The following TRPM3 variants were observed in gnomAD, a reference collection of about 807,000 sequenced individuals.
The protein encoded by TRPM3 is transient receptor potential cation channel subfamily M member 3, also known as long transient receptor potential channel 3.
Under a neutral mutation model 181.2 loss-of-function variants are expected in TRPM3, and 77 were observed. The observed-to-expected ratio is 0.42, with a 90% CI of 0.35 to 0.51. The LOEUF (loss-of-function observed/expected upper bound fraction) is 0.51. Ranked by LOEUF, TRPM3 falls within the 20% of genes least tolerant of loss-of-function variation. The pLI is 0.01. For missense variants in TRPM3, 1,759 were observed against 2,196.7 expected (o/e 0.80, Z 3.98); for synonymous variants, 745 against 796.4 (o/e 0.94, Z 1.09).
intron 1 of TRPM3, among the ~76,000 whole-genome samples, chr9:71,182,240 G>T (rs1379336445): frequency 6.6e-6 from 1 of 152,102 alleles, no homozygotes; most frequent in African/African-American, 2.4e-5. Flanking sequence ...ATAGGAAAAA[G>T]AATTATTGGG....
At chr9:70,919,720 A>T (rs547093748) in intron 1 of TRPM3, among the ~76,000 whole-genome samples, 1 of 150,244 alleles carries the variant, frequency 6.7e-6, no homozygotes. Flanking sequence ...GGAGGTGGAG[A>T]TTGCAGTGAG....
intron 1 of TRPM3, among the ~76,000 whole-genome samples, chr9:71,295,672 A>G (rs1459881510): frequency 2.0e-5 from 3 of 151,762 alleles, no homozygotes; most frequent in East Asian, 1.9e-4. Flanking sequence ...TGTACAAATA[A>G]ATAAGTAAAT....
intron 7 of TRPM3, among the ~76,000 whole-genome samples, chr9:70,782,898 C>T (rs1036590251): frequency 4.6e-5 from 7 of 151,922 alleles, no homozygotes; most frequent in Non-Finnish European, 1.0e-4. Flanking sequence ...ACTAGGTAGG[C>T]GTACTGTTTT....
At chr9:71,352,074 A>G (rs917023602) in intron 1 of TRPM3, among the ~76,000 whole-genome samples, 21 of 151,776 alleles carry the variant, frequency 1.4e-4, no homozygotes, top group Admixed American at 4.6e-4. Context: ...GCGGGGTTTC[A>G]CCGTGTTAGC....
intron 1 of TRPM3, among the ~76,000 whole-genome samples, chr9:71,057,882 CAT>C (rs2060851394): frequency 6.6e-6 from 1 of 152,044 alleles, no homozygotes; most frequent in South Asian, 2.1e-4. Flanking sequence ...TAGGCAGTTA[CAT>C]GTCTGATGCA....
intron 1 of TRPM3, among the ~76,000 whole-genome samples, chr9:70,897,498 A>G (rs1443888546): frequency 2.0e-5 from 3 of 151,988 alleles, no homozygotes; most frequent in African/African-American, 4.8e-5. Flanking sequence ...GTGGAATTAG[A>G]TCTCAATTTT....
chr9:70,988,517 T>C (rs1030338322), intron 1 of TRPM3, among the ~76,000 whole-genome samples: 1 of 152,214 alleles, frequency 6.6e-6, no homozygotes, highest in South Asian at 2.1e-4. Context: ...GTCCACTGTA[T>C]ACTTTCATAT....
At chr9:70,654,838 C>A (rs116317974) in intron 9 of TRPM3, among the ~76,000 whole-genome samples, 180 of 151,692 alleles carry the variant, frequency 1.2e-3, no homozygotes, top group African/African-American at 4.2e-3. Context: ...ACCTGCACCA[C>A]GCCTGGCTAA....
At chr9:71,341,905 CT>C (rs1410500386) in intron 1 of TRPM3, among the ~76,000 whole-genome samples, 1 of 151,622 alleles carries the variant, frequency 6.6e-6, no homozygotes, top group African/African-American at 2.4e-5. Flanking sequence ...GGAGAAAATA[CT>C]TGCAATACAT....
intron 17 of TRPM3, among the ~76,000 whole-genome samples, chr9:70,618,594 C>T (rs2063146659): frequency 2.0e-5 from 3 of 152,186 alleles, no homozygotes; most frequent in South Asian, 4.1e-4. Context: ...AGTACCTGTG[C>T]GTGGCCATCC....
Position 71,014,167 on chromosome 9 carries a change from T to C in TRPM3, c.177+107011A>G, listed in dbSNP as rs1385283702. On this transcript the variant is annotated intron_variant, in intron 1 of 25. Coordinates refer to ENST00000677713, the MANE Select transcript of TRPM3 (RefSeq NM_001366145.2). ...AAATCCTGAAATTTTGGTTTATAATTATTATTTCAAGAATAGTTTAATAGT... is the reference window on the plus strand; with the variant it reads ...AAATCCTGAAATTTTGGTTTATAATCATTATTTCAAGAATAGTTTAATAGT... 7.9e-5 allele frequency among the ~76,000 whole-genome samples: 12 copies of C among 152,144 alleles called. No individual in the cohort carries two copies. The East Asian group carries it at 2.1e-3, about 27-fold the overall frequency.
intron 6 of TRPM3, among the ~76,000 whole-genome samples, chr9:70,815,544 T>G (rs959798336): frequency 6.6e-6 from 1 of 152,062 alleles, no homozygotes; most frequent in African/African-American, 2.4e-5. Flanking sequence ...TTTTGCCAAT[T>G]TGATAGGTTA....
At chr9:70,966,939 T>C (rs1187027355) in intron 1 of TRPM3, among the ~76,000 whole-genome samples, 2 of 152,026 alleles carry the variant, frequency 1.3e-5, no homozygotes, top group Non-Finnish European at 2.9e-5. Context: ...CTGTCCAAGT[T>C]CAGAAGATTT....
chr9:71,027,972 G>A (rs1156366303), intron 1 of TRPM3, among the ~76,000 whole-genome samples: 3 of 152,042 alleles, frequency 2.0e-5, no homozygotes, highest in Non-Finnish European at 4.4e-5. Context: ...GAAAACTTCT[G>A]CAAAATATGT....
intron 1 of TRPM3, among the ~76,000 whole-genome samples, chr9:70,976,904 A>T (rs1564886458): frequency 6.6e-6 from 1 of 152,184 alleles, no homozygotes; most frequent in Non-Finnish European, 1.5e-5. Flanking sequence ...ACTGATGGAC[A>T]GTGGGCAGGT....
chr9:71,012,376 G>A (rs1462647077), intron 1 of TRPM3, among the ~76,000 whole-genome samples: 1 of 149,246 alleles, frequency 6.7e-6, no homozygotes, highest in Non-Finnish European at 1.5e-5. Flanking sequence ...TGCCAGTTCT[G>A]CACTGTTTCA....
chr9:71,001,037 C>T (rs112335505), intron 1 of TRPM3, among the ~76,000 whole-genome samples: 11 of 152,286 alleles, frequency 7.2e-5, no homozygotes, highest in African/African-American at 2.2e-4. Context: ...TACTAAATTC[C>T]TCAGTACTAA....
chr9:70,766,886 G>A (rs1458558955), intron 7 of TRPM3, among the ~76,000 whole-genome samples: 1 of 152,148 alleles, frequency 6.6e-6, no homozygotes, highest in Non-Finnish European at 1.5e-5. Flanking sequence ...TAGTGTTGAT[G>A]TTCTATTTTT....
In TRPM3 at chr9:70,529,104, T is replaced by A. The variant is rs555540328; in HGVS notation, c.*6849A>T. The A allele has an allele frequency of 6.6e-6, 1 of 152,288 alleles. No homozygotes were observed. Among genetic ancestry groups the A allele is most frequent in the African/African-American group, 2.4e-5 (1 of 41,564 alleles). 9.4% of individuals were successfully genotyped at this position (152,288 alleles called of 1,614,324 possible). ...GTTTTTTTTTTTATTGCAAAACATT[T>A]GTTACAGAAATTTCAGAAAGTTTTT... is the stretch of plus-strand genomic sequence containing the variant. On this transcript the variant is annotated 3_prime_UTR_variant, in exon 26 of 26. Coordinates refer to ENST00000677713, the MANE Select transcript of TRPM3 (RefSeq NM_001366145.2).
Sources: allele counts gnomAD v4.1 joint callset (sites outside exome capture counted in the v4.1 genomes callset), GRCh38; gene constraint gnomAD v4.1.1; transcripts MANE v1.5; gene names NCBI Gene and HGNC (gene_info 2026-07-23, HGNC 2026-07-21).